UMAD1: variants seen among roughly 807,000 people sequenced by gnomAD.
UMAD1 encodes UBAP1-MVB12-associated (UMA)-domain containing protein 1.
Under a neutral mutation model 6.1 loss-of-function variants are expected in UMAD1, and 8 were observed. The ratio of observed to expected loss-of-function variants is 1.30; its 90% CI spans 0.76 to 2.35. The LOEUF is 2.35. UMAD1 is among the 30% of genes most tolerant of loss of function. The pLI is 0.00. For synonymous variants in UMAD1, 56 were observed against 31.4 expected, an observed-to-expected ratio of 1.78 and a Z score of -2.61; for missense variants, 130 against 78.4, an observed-to-expected ratio of 1.66 and a Z score of -2.49.
chr7:7,690,113 G>C (rs1250669407), intron 2 of UMAD1, among the ~76,000 whole-genome samples: 7 of 152,094 alleles, frequency 4.6e-5, no homozygotes. Flanking sequence ...ACTGATATTA[G>C]GCAGGGATTC....
intron 1 of UMAD1, among the ~76,000 whole-genome samples, chr7:7,654,379 C>G (rs1226060236): frequency 1.3e-5 from 2 of 152,144 alleles, no homozygotes; most frequent in East Asian, 3.9e-4. Flanking sequence ...TGTTAGTTTT[C>G]AAGATGACTT....
intron 3 of UMAD1, among the ~76,000 whole-genome samples, chr7:7,816,648 G>A (rs1399021752): frequency 3.3e-5 from 5 of 152,214 alleles, no homozygotes; most frequent in Non-Finnish European, 7.3e-5. Context: ...GATAGAATGA[G>A]TTGGCATGGA....
At chr7:7,665,019 A>T (rs764432635) in intron 1 of UMAD1, among the ~76,000 whole-genome samples, 1 of 141,910 alleles carries the variant, frequency 7.0e-6, no homozygotes, top group African/African-American at 2.6e-5. Context: ...ATATATACAC[A>T]CACACACACA....
chr7:7,865,987 T>C (rs1032925565), intron 3 of UMAD1, among the ~76,000 whole-genome samples: 8 of 152,208 alleles, frequency 5.3e-5, no homozygotes, highest in Non-Finnish European at 7.3e-5. Flanking sequence ...GAATAACTTA[T>C]CTCATGCTTG....
At chr7:7,827,241 A>G (rs1783364571) in intron 3 of UMAD1, among the ~76,000 whole-genome samples, 2 of 151,620 alleles carry the variant, frequency 1.3e-5, no homozygotes, top group Non-Finnish European at 2.9e-5. Context: ...TCATGTAGTA[A>G]AAATAAAATC....
chr7:7,839,240 G>A (rs908068605), intron 3 of UMAD1, among the ~76,000 whole-genome samples: 1 of 152,114 alleles, frequency 6.6e-6, no homozygotes, highest in African/African-American at 2.4e-5. Context: ...ACTGGGTCTT[G>A]CTCTGTCATC....
At chr7:7,676,166 G>C (rs1779732804) in intron 2 of UMAD1, 1 of 398,636 alleles carries the variant, frequency 2.5e-6, no homozygotes, top group Non-Finnish European at 4.4e-6. Context: ...AGACCCTTTG[G>C]GTTGGCTTCG....
In UMAD1 at chr7:7,655,839, T is replaced by C. The variant is rs200269765; in HGVS notation, c.-64+15018T>C. On this transcript the variant is annotated intron_variant, in intron 1 of 3. Coordinates refer to ENST00000682710, the MANE Select transcript of UMAD1 (RefSeq NM_001302348.2). ...GGACAGTCTCTCTCTCTCTCTCTCT[T>C]TGTTTTTGTTTTTGAGACAGAGTTT... Among the ~76,000 whole-genome samples the C allele has an allele frequency of 5.5e-5, 8 of 144,948 alleles. No individual in the cohort carries two copies. In the South Asian group the frequency reaches 1.6e-3, roughly 29 times the overall value.
At chr7:7,834,610 G>A (rs986022616) in intron 3 of UMAD1, among the ~76,000 whole-genome samples, 3 of 151,882 alleles carry the variant, frequency 2.0e-5, no homozygotes, top group Non-Finnish European at 1.5e-5. Context: ...TTCTTGCTGT[G>A]TCTTCACAGG....
intron 2 of UMAD1, among the ~76,000 whole-genome samples, chr7:7,769,311 C>G (rs537565537): frequency 5.1e-4 from 78 of 152,118 alleles, no homozygotes; most frequent in African/African-American, 1.8e-3. Context: ...AATAATTGCC[C>G]TTTAATGTTC....
intron 2 of UMAD1, among the ~76,000 whole-genome samples, chr7:7,744,304 T>C (rs1274890617): frequency 1.3e-5 from 2 of 152,212 alleles, no homozygotes; most frequent in East Asian, 3.8e-4. Context: ...TCCCACATTT[T>C]ATTTATCTAT....
chr7:7,866,952 G>A (rs1784242968), intron 3 of UMAD1, among the ~76,000 whole-genome samples: 2 of 152,126 alleles, frequency 1.3e-5, no homozygotes. Context: ...AAGAGAAATG[G>A]ATGAATTAGG....
At chr7:7,790,784 G>C (rs1274327844) in intron 2 of UMAD1, among the ~76,000 whole-genome samples, 1 of 152,202 alleles carries the variant, frequency 6.6e-6, no homozygotes, top group African/African-American at 2.4e-5. Context: ...TCTGCATTCT[G>C]AAACTGAACT....
At chr7:7,781,902 A>T (rs1218084227) in intron 2 of UMAD1, among the ~76,000 whole-genome samples, 1 of 152,026 alleles carries the variant, frequency 6.6e-6, no homozygotes, top group Non-Finnish European at 1.5e-5. Context: ...TAGAATTCTG[A>T]TCTGTTCTTT....
At chr7:7,713,390 T>A (rs182599538) in intron 2 of UMAD1, among the ~76,000 whole-genome samples, 1 of 150,712 alleles carries the variant, frequency 6.6e-6, no homozygotes, top group East Asian at 1.9e-4. Flanking sequence ...TCTAAGTTTA[T>A]AGACAGAGTT....
chr7:7,742,875 C>T (rs1563170950), intron 2 of UMAD1, among the ~76,000 whole-genome samples: 1 of 152,084 alleles, frequency 6.6e-6, no homozygotes, highest in Admixed American at 6.6e-5. Flanking sequence ...TTAAACTAAC[C>T]CCATCAAAGT....
At chr7:7,792,216 C>G (rs1012915528) in intron 2 of UMAD1, among the ~76,000 whole-genome samples, 1 of 152,196 alleles carries the variant, frequency 6.6e-6, no homozygotes, top group African/African-American at 2.4e-5. Context: ...AGCTTGTACC[C>G]TTTCCTATAT....
At position 7,810,764 on chromosome 7, in the gene UMAD1, G is replaced by A. The variant is rs552259470; in HGVS notation, c.156+9021G>A. ...ATTCACTCAAGGATAGTTTTTGCAA[G>A]AACTATTTTGTGTGATAGTAAAATA... is the stretch of plus-strand genomic sequence containing the variant. On this transcript the variant is annotated intron_variant, in intron 3 of 3. Coordinates refer to ENST00000682710, the MANE Select transcript of UMAD1 (RefSeq NM_001302348.2). 1.0e-3 allele frequency among the ~76,000 whole-genome samples: 159 copies of A among 152,168 alleles called. 1 individual carries two copies. Among genetic ancestry groups the A allele is most frequent in the Non-Finnish European group, 2.0e-3 (139 of 68,008 alleles).
chr7:7,761,165 G>T (rs921128055), intron 2 of UMAD1, among the ~76,000 whole-genome samples: 1 of 152,072 alleles, frequency 6.6e-6, no homozygotes, highest in Non-Finnish European at 1.5e-5. Flanking sequence ...AGGAATTCAA[G>T]TTCAGCTCAG....
Sources: gnomAD v4.1 joint callset for allele counts (sites outside exome capture counted in the v4.1 genomes callset) on GRCh38, gnomAD v4.1.1 for gene constraint, MANE v1.5 for transcripts, NCBI Gene and HGNC (gene_info 2026-07-23, HGNC 2026-07-21) for gene names.